TJP1: variants seen among roughly 807,000 people sequenced by gnomAD.
TJP1 encodes tight junction protein ZO-1.
A neutral mutation model predicts 194.2 loss-of-function variants in TJP1; 43 were observed. The ratio of observed to expected loss-of-function variants is 0.22; its 90% CI spans 0.17 to 0.29. TJP1 has a LOEUF of 0.29. Among genes scored for constraint, TJP1 ranks in the 10% least tolerant of loss-of-function variants. TJP1 has a pLI of 1.00. For synonymous variants in TJP1, 801 were observed against 779.0 expected (o/e 1.03, Z -0.47); for missense variants, 1,971 against 2,185.7 (o/e 0.90, Z 1.96).
In TJP1 at chr15:29,790,465, C is replaced by T. The variant is rs117886276; in HGVS notation, c.84+10181G>A. ...GGGATCCACATCATACATTTTGATACAAGTATAATGTGTAACGATTAAATC... is the reference window on the plus strand; with the variant it reads ...GGGATCCACATCATACATTTTGATATAAGTATAATGTGTAACGATTAAATC... On this transcript the variant is annotated intron_variant, in intron 2 of 27. Transcript: ENST00000614355. Among the ~76,000 whole-genome samples, 973 of 152,222 alleles carry T rather than the reference C, an allele frequency of 6.4e-3. 16 individuals carry two copies. The highest frequency in any genetic ancestry group is 0.051 in the East Asian group (262 of 5,174).
At chr15:29,948,120 C>T (rs2055345771) in intron 2 of TJP1, among the ~76,000 whole-genome samples, 1 of 152,078 alleles carries the variant, frequency 6.6e-6, no homozygotes, top group South Asian at 2.1e-4. Context: ...CAAGAATTAG[C>T]TGGGCATGGT....
intron 23 of TJP1, among the ~76,000 whole-genome samples, chr15:29,714,042 G>T (rs1008681402): frequency 6.6e-6 from 1 of 152,130 alleles, no homozygotes; most frequent in Non-Finnish European, 1.5e-5. Context: ...GATGCACCTA[G>T]TATACCATGC....
At chr15:29,940,607 A>G (rs559791709) in intron 2 of TJP1, among the ~76,000 whole-genome samples, 3 of 152,174 alleles carry the variant, frequency 2.0e-5, no homozygotes, top group Admixed American at 1.3e-4. Context: ...TATGTTATTT[A>G]TATGTTCCTC....
chr15:29,745,807 A>AC (rs2044733602), intron 8 of TJP1, among the ~76,000 whole-genome samples: 1 of 152,198 alleles, frequency 6.6e-6, no homozygotes, highest in African/African-American at 2.4e-5. Context: ...CTGGATGTTC[A>AC]CCTTGTATTG....
intron 2 of TJP1, among the ~76,000 whole-genome samples, chr15:29,830,191 AGTC>A (rs2050793819): frequency 6.6e-6 from 1 of 151,992 alleles, no homozygotes; most frequent in African/African-American, 2.4e-5. Flanking sequence ...TTAATTCAGT[AGTC>A]TTTTAGTAAT....
At chr15:29,779,087 A>G (rs1427959881) in intron 2 of TJP1, among the ~76,000 whole-genome samples, 1 of 152,180 alleles carries the variant, frequency 6.6e-6, no homozygotes, top group African/African-American at 2.4e-5. Context: ...TTCCTTACAG[A>G]TAACTTCCGA....
At chr15:29,831,718 G>A (rs1490600307) in intron 2 of TJP1, among the ~76,000 whole-genome samples, 2 of 152,246 alleles carry the variant, frequency 1.3e-5, no homozygotes, top group Non-Finnish European at 2.9e-5. Context: ...GGACCTAGAT[G>A]TGACAATGGC....
rs530014244 is a variant in TJP1 at position 29,742,859 on chromosome 15, A to C, written c.1011-78T>G. 24 of 1,286,680 alleles carry C rather than the reference A, an allele frequency of 1.9e-5. No homozygotes were observed. The African/African-American group carries it at 2.6e-4, about 14-fold the overall frequency. 79.7% of individuals were successfully genotyped at this position (1,286,680 alleles called of 1,614,324 possible). A position where few individuals can be genotyped will look rare whatever the true frequency, so the allele number is the denominator to read the frequency against. The stretch of plus-strand genomic sequence containing the variant: ...ATCTGTAAGAGAACAGTATAAGAAG[A>C]GGCAATGCAACTTCAAAAACAATGA... On this transcript the variant is annotated intron_variant, in intron 8 of 27. Transcript: ENST00000614355.
chr15:29,850,791 G>A (rs566982118), intron 2 of TJP1, among the ~76,000 whole-genome samples: 204 of 151,902 alleles, frequency 1.3e-3, no homozygotes, highest in Middle Eastern at 3.4e-3. Flanking sequence ...AGACCAGCCC[G>A]GGGGGTAACA....
At chr15:29,808,854 T>G (rs900540645) in intron 1 of TJP1, among the ~76,000 whole-genome samples, 1 of 152,120 alleles carries the variant, frequency 6.6e-6, no homozygotes, top group African/African-American at 2.4e-5. Flanking sequence ...GCTGCAGACA[T>G]CATCCAAAAA....
chr15:29,906,624 G>A (rs997970236), intron 2 of TJP1, among the ~76,000 whole-genome samples: 1 of 151,700 alleles, frequency 6.6e-6, no homozygotes, highest in African/African-American at 2.4e-5. Context: ...CTGTCACCCA[G>A]GCTGGAGTGC....
chr15:29,917,019 T>G (rs1186652349), intron 2 of TJP1, among the ~76,000 whole-genome samples: 1 of 152,160 alleles, frequency 6.6e-6, no homozygotes, highest in African/African-American at 2.4e-5. Context: ...TTTAGAGAAT[T>G]GACAAGGATA....
intron 2 of TJP1, among the ~76,000 whole-genome samples, chr15:29,833,285 C>A (rs1047226721): frequency 6.6e-6 from 1 of 151,988 alleles, no homozygotes; most frequent in South Asian, 2.1e-4. Flanking sequence ...TAATAATATA[C>A]GTATAAGGAT....
intron 1 of TJP1, chr15:29,968,142 G>A (rs949225761): frequency 5.1e-6 from 5 of 985,422 alleles, no homozygotes; most frequent in Non-Finnish European, 6.0e-6. Context: ...AACGCATGCA[G>A]GTGGAATACA....
intron 2 of TJP1, among the ~76,000 whole-genome samples, chr15:29,955,782 A>AAAAAAAAAAAAAAAAAAAAAAAAAAC (rs2055917219): frequency 6.7e-6 from 1 of 148,462 alleles, no homozygotes; most frequent in Admixed American, 6.7e-5. Context: ...AAAAAAAAAA[A>AAAAAAAAAAAAAAAAAAAAAAAAAAC]AGAATAGAAA....
At chr15:29,912,868 A>G (rs893269547) in intron 2 of TJP1, among the ~76,000 whole-genome samples, 7 of 152,206 alleles carry the variant, frequency 4.6e-5, no homozygotes, top group African/African-American at 1.7e-4. Flanking sequence ...AAATTTAAAA[A>G]TAAGTTTTAA....
At chr15:29,739,455 CTTTTTT>C (rs1309518231) in intron 10 of TJP1, among the ~76,000 whole-genome samples, 1 of 151,890 alleles carries the variant, frequency 6.6e-6, no homozygotes, top group East Asian at 1.9e-4. Context: ...TTTCTTTTTT[CTTTTTT>C]GAGATGGAGT....
At chr15:29,724,368 T>C (rs1280269378) in intron 18 of TJP1, among the ~76,000 whole-genome samples, 1 of 152,250 alleles carries the variant, frequency 6.6e-6, no homozygotes, top group Non-Finnish European at 1.5e-5. Flanking sequence ...AGAAGAAAAG[T>C]CTTCTTGCTA....
intron 2 of TJP1, among the ~76,000 whole-genome samples, chr15:29,892,427 A>G (rs1199360247): frequency 6.6e-6 from 1 of 152,240 alleles, no homozygotes; most frequent in Non-Finnish European, 1.5e-5. Flanking sequence ...AGGTGGCTAC[A>G]CCAAACAACA....
Sources: allele counts gnomAD v4.1 joint callset (sites outside exome capture counted in the v4.1 genomes callset), GRCh38; gene constraint gnomAD v4.1.1; transcripts MANE v1.5; gene names NCBI Gene and HGNC (gene_info 2026-07-23, HGNC 2026-07-21).